Variants in LARGE1 observed in about 807,000 individuals in gnomAD.
The protein encoded by LARGE1 is xylosyl- and glucuronyltransferase LARGE1.
In LARGE1, 43 loss-of-function variants were observed where a neutral mutation model predicts 87.6. The ratio of observed to expected loss-of-function variants is 0.49; its 90% confidence interval spans 0.38 to 0.63. The LOEUF is 0.63. Among genes scored for constraint, LARGE1 ranks in the 30% least tolerant of loss-of-function variants. The pLI is 0.00. For missense variants in LARGE1, 802 were observed against 1,000.2 expected (o/e 0.80, Z 2.67); for synonymous variants, 434 against 394.6 (o/e 1.10, Z -1.18).
intron 2 of LARGE1, among the ~76,000 whole-genome samples, chr22:33,748,024 CAAAAAAAAAA>C (rs535230421): frequency 6.9e-4 from 15 of 21,736 alleles, no homozygotes; most frequent in East Asian, 4.1e-3. Flanking sequence ...TCTGCTGGAG[CAAAAAAAAAA>C]AAAAAAAAAA....
chr22:33,237,650 C>T (rs549091383), intron 11 of LARGE1, among the ~76,000 whole-genome samples: 4 of 152,186 alleles, frequency 2.6e-5, no homozygotes, highest in South Asian at 4.1e-4. Flanking sequence ...AAAATAATAA[C>T]GAGTTGTGAT....
At chr22:33,263,743 G>C (rs998790948) in intron 11 of LARGE1, among the ~76,000 whole-genome samples, 7 of 152,172 alleles carry the variant, frequency 4.6e-5, no homozygotes, top group African/African-American at 1.7e-4. Flanking sequence ...CTTCATCTGT[G>C]GTAATTTCTT....
At chr22:33,178,421 A>C (rs762994170) in intron 11 of LARGE1, among the ~76,000 whole-genome samples, 5 of 152,122 alleles carry the variant, frequency 3.3e-5, no homozygotes. Flanking sequence ...TGAAGGTGAT[A>C]CTCATGAAGA....
intron 4 of LARGE1, among the ~76,000 whole-genome samples, chr22:33,620,200 T>C (rs2079704076): frequency 6.6e-6 from 1 of 152,222 alleles, no homozygotes; most frequent in African/African-American, 2.4e-5. Context: ...AACTACTTGA[T>C]ATGCAAAGTA....
At chr22:33,296,631 C>T (rs997147430) in intron 12 of LARGE1, among the ~76,000 whole-genome samples, 5 of 148,264 alleles carry the variant, frequency 3.4e-5, no homozygotes, top group Non-Finnish European at 5.9e-5. Flanking sequence ...TGCAATGGCG[C>T]GATCTCATCT....
At chr22:33,726,922 T>C (rs769066434) in intron 2 of LARGE1, among the ~76,000 whole-genome samples, 1 of 152,154 alleles carries the variant, frequency 6.6e-6, no homozygotes, top group Non-Finnish European at 1.5e-5. Flanking sequence ...ATAGAAATCA[T>C]TACCTACTAA....
At chr22:33,676,522 A>C (rs2081583377) in intron 2 of LARGE1, among the ~76,000 whole-genome samples, 1 of 151,760 alleles carries the variant, frequency 6.6e-6, no homozygotes, top group Non-Finnish European at 1.5e-5. Context: ...AAAACTATAC[A>C]ATAAAATAAA....
intron 7 of LARGE1, among the ~76,000 whole-genome samples, chr22:33,390,933 G>C (rs1364650952): frequency 6.6e-6 from 1 of 152,176 alleles, no homozygotes; most frequent in Non-Finnish European, 1.5e-5. Flanking sequence ...CTGAACTCAA[G>C]TGATCCGCCC....
intron 11 of LARGE1, among the ~76,000 whole-genome samples, chr22:33,202,256 C>A (rs1924436895): frequency 6.6e-6 from 1 of 152,130 alleles, no homozygotes; most frequent in Non-Finnish European, 1.5e-5. Context: ...AGAAACTGGC[C>A]CCTAACAGGT....
intron 2 of LARGE1, among the ~76,000 whole-genome samples, chr22:33,684,364 G>C (rs774648607): frequency 7.9e-5 from 12 of 151,802 alleles, no homozygotes; most frequent in Non-Finnish European, 1.6e-4. Context: ...CTCAGCCTCG[G>C]ACTACTCATG....
At chr22:33,148,509 G>A in the LARGE1 span, among the ~76,000 whole-genome samples, 1 of 152,130 alleles carries the variant, frequency 6.6e-6, no homozygotes, top group Non-Finnish European at 1.5e-5. Context: ...CAAGTTTGGG[G>A]CTATAACAAA....
chr22:33,171,238 A>C (rs930727766), intron 11 of LARGE1, among the ~76,000 whole-genome samples: 4 of 152,178 alleles, frequency 2.6e-5, no homozygotes, highest in Non-Finnish European at 4.4e-5. Context: ...GTTCACGAAG[A>C]GATGGTTTGA....
chr22:33,294,246 T>C (rs546768770), intron 12 of LARGE1, among the ~76,000 whole-genome samples: 2 of 152,228 alleles, frequency 1.3e-5, no homozygotes, highest in Non-Finnish European at 2.9e-5. Flanking sequence ...TGACAAACTA[T>C]TGGGAATCGC....
rs959560379 is a variant in LARGE1 at position 33,630,923 on chromosome 22, G to A, written c.409-4597C>T. ...GATGGAGTGCAGTGATGTGATCTCG[G>A]CTTACTGCAACTTCTGCCTCCCGGG... On this transcript the variant is annotated intron_variant, in intron 3 of 14. Coordinates refer to ENST00000397394, the MANE Select transcript of LARGE1 (RefSeq NM_133642.5). Among the ~76,000 whole-genome samples, 3 of 151,722 alleles carry A rather than the reference G, an allele frequency of 2.0e-5. No individual in the cohort carries two copies. In the East Asian group the frequency reaches 5.8e-4, roughly 29 times the overall value.
At chr22:33,656,058 AGTGTGTGTGTGT>A (rs3072285) in intron 2 of LARGE1, among the ~76,000 whole-genome samples, 19 of 150,378 alleles carry the variant, frequency 1.3e-4, no homozygotes, top group Admixed American at 1.3e-3. Context: ...CATAAGCATG[AGTGTGTGTGTGT>A]GTGTGTGTGT....
chr22:33,432,469 T>C (rs541148194), intron 6 of LARGE1, among the ~76,000 whole-genome samples: 2 of 152,346 alleles, frequency 1.3e-5, no homozygotes, highest in East Asian at 3.9e-4. Flanking sequence ...TCATTTTTAT[T>C]ATTTCCATTT....
At chr22:33,611,878 T>C (rs1225667866) in intron 4 of LARGE1, among the ~76,000 whole-genome samples, 1 of 152,142 alleles carries the variant, frequency 6.6e-6, no homozygotes, top group East Asian at 1.9e-4. Context: ...CTGAGTGAGT[T>C]CTCATGTGAG....
intron 7 of LARGE1, among the ~76,000 whole-genome samples, chr22:33,407,869 C>G (rs1003709361): frequency 4.0e-5 from 6 of 151,888 alleles, no homozygotes; most frequent in Non-Finnish European, 5.9e-5. Context: ...AAATAATAAG[C>G]AGAGAGACAC....
rs2068191646 is a variant in LARGE1 at position 33,457,605 on chromosome 22, A to C, written c.788-25340T>G. ...GACATGTATATGCCTAAGAGACATA[A>C]GACAAAAAATGGAATGTAAGTAAAA... On this transcript the variant is annotated intron_variant, in intron 6 of 14. Transcript: ENST00000397394. 2.0e-5 allele frequency among the ~76,000 whole-genome samples: 3 copies of C among 152,204 alleles called. No homozygotes were observed. The South Asian group carries it at 6.2e-4, about 31-fold the overall frequency.
Sources: gnomAD v4.1 joint callset for allele counts (sites outside exome capture counted in the v4.1 genomes callset) on GRCh38, gnomAD v4.1.1 for gene constraint, MANE v1.5 for transcripts, NCBI Gene and HGNC (gene_info 2026-07-23, HGNC 2026-07-21) for gene names.